Variants in NSFL1C observed in about 807,000 individuals in gnomAD.
NSFL1C encodes the protein NSFL1 cofactor p47.
Under a neutral mutation model 43.1 loss-of-function variants are expected in NSFL1C, and 14 were observed. That is an observed-to-expected ratio of 0.32 (90% CI 0.21 to 0.51). The LOEUF is 0.51. NSFL1C is among the 20% of genes least tolerant of loss of function. The pLI is 0.98. For synonymous variants in NSFL1C, 171 were observed against 183.5 expected, an observed-to-expected ratio of 0.93 and a Z score of 0.55; for missense variants, 406 against 472.5, an observed-to-expected ratio of 0.86 and a Z score of 1.30.
chr20:1,451,107 T>C (rs62186876), intron 7 of NSFL1C, among the ~76,000 whole-genome samples: 1 of 152,074 alleles, frequency 6.6e-6, no homozygotes, highest in East Asian at 1.9e-4. Flanking sequence ...AAAAAAAAAT[T>C]AGGTGCCCTA....
intron 7 of NSFL1C, among the ~76,000 whole-genome samples, chr20:1,448,410 T>G (rs1422861859): frequency 6.6e-6 from 1 of 152,178 alleles, no homozygotes; most frequent in East Asian, 1.9e-4. Flanking sequence ...GACGAGATAA[T>G]GTGCACGCAA....
At chr20:1,464,676 A>G (rs2090475295) in intron 1 of NSFL1C, among the ~76,000 whole-genome samples, 1 of 152,174 alleles carries the variant, frequency 6.6e-6, no homozygotes, top group Non-Finnish European at 1.5e-5. Context: ...CTTTATTCTC[A>G]TTTTATGAAG....
At position 1,443,014 on chromosome 20, in the gene NSFL1C, G is replaced by A. The variant is rs970211265; in HGVS notation, c.*735C>T. On this transcript the variant is annotated 3_prime_UTR_variant, in exon 9 of 9. Transcript: ENST00000216879. ...GACTTCTGCACGTGGAGTAAATCAAGCCATAATGGAGCCCCTGAGAATCCC... is the reference window on the plus strand; with the variant it reads ...GACTTCTGCACGTGGAGTAAATCAAACCATAATGGAGCCCCTGAGAATCCC... 2 of 152,210 alleles carry A rather than the reference G, an allele frequency of 1.3e-5. No homozygotes were observed. The highest frequency in any genetic ancestry group is 4.8e-5 in the African/African-American group (2 of 41,436). 9.4% of individuals were successfully genotyped at this position (152,210 alleles called of 1,614,324 possible).
chr20:1,459,087 T>A (rs1490381078), intron 2 of NSFL1C, among the ~76,000 whole-genome samples: 4 of 152,138 alleles, frequency 2.6e-5, no homozygotes, highest in Non-Finnish European at 5.9e-5. Flanking sequence ...TATCAAGATT[T>A]AAAAAAATTC....
At chr20:1,466,658 C>T in intron 1 of NSFL1C, 62 bp downstream of exon 1, 2 of 1,460,858 alleles carry the variant, frequency 1.4e-6, no homozygotes, top group Admixed American at 2.0e-5. Flanking sequence ...GGGCTTAAGG[C>T]ACCAGGCGCC....
At chr20:1,460,059 C>G (rs775742750) in intron 2 of NSFL1C, among the ~76,000 whole-genome samples, 1 of 152,210 alleles carries the variant, frequency 6.6e-6, no homozygotes, top group Non-Finnish European at 1.5e-5. Context: ...AGATTCCAAT[C>G]CCAATTCTGC....
chr20:1,455,248 T>C, intron 3 of NSFL1C, 116 bp from the exon 4 acceptor site: 1 of 1,211,762 alleles, frequency 8.3e-7, no homozygotes, highest in Non-Finnish European at 1.2e-6. Flanking sequence ...CTTTAAAGAA[T>C]TTACTGGCTA....
Position 1,443,771 on chromosome 20 carries a change from A to T in NSFL1C, c.1091T>A (p.Val364Asp). ...TLKEANLLNA[V>D]IVQRLT ...CGGTTATGTTAACCGCTGCACGATG[A>T]CAGCATTGAGCAGGTTGGCTTCCTT... Residue 364 changes from valine to aspartate, a missense_variant, in exon 9 of 9, where the codon GTC (valine) becomes GAC (aspartate). Val to Asp is a radical substitution (Grantham distance 152). Around this residue, in one of 3 missense-constraint regions of NSFL1C, gnomAD observed 196 missense variants for 228.0 expected, o/e 0.86. Coordinates refer to ENST00000216879, the MANE Select transcript of NSFL1C (RefSeq NM_016143.5). 1 of 1,614,166 alleles carries T rather than the reference A, an allele frequency of 6.2e-7. No homozygotes were observed. Among genetic ancestry groups the T allele is most frequent in the Non-Finnish European group, 8.5e-7 (1 of 1,180,026 alleles).
chr20:1,445,056 A>G (rs1454010405), intron 8 of NSFL1C, among the ~76,000 whole-genome samples: 2 of 152,238 alleles, frequency 1.3e-5, no homozygotes, highest in Admixed American at 6.5e-5. Context: ...GGCACCAAAT[A>G]TATTTACTGG....
intron 2 of NSFL1C, among the ~76,000 whole-genome samples, chr20:1,461,441 C>T (rs572515919): frequency 6.6e-6 from 1 of 152,068 alleles, no homozygotes; most frequent in Non-Finnish European, 1.5e-5. Context: ...AGCAAGAGAG[C>T]GGGCACACCT....
chr20:1,466,407 C>G (rs2090512213), intron 1 of NSFL1C, among the ~76,000 whole-genome samples: 2 of 152,362 alleles, frequency 1.3e-5, no homozygotes, highest in South Asian at 4.1e-4. Flanking sequence ...AGCAGATACT[C>G]GGCGCGGCAG....
At chr20:1,458,098 A>C (rs1270997054) in intron 3 of NSFL1C, 102 bp downstream of exon 3, 1 of 954,990 alleles carries the variant, frequency 1.0e-6, no homozygotes, top group Non-Finnish European at 1.7e-6. Flanking sequence ...AGTAATGGCT[A>C]ACAATAACCA....
At chr20:1,450,100 G>C (rs1449487702) in intron 7 of NSFL1C, among the ~76,000 whole-genome samples, 2 of 152,140 alleles carry the variant, frequency 1.3e-5, no homozygotes, top group Non-Finnish European at 2.9e-5. Flanking sequence ...TCATTCACTT[G>C]AAGTATTTTC....
chr20:1,455,219 C>T, intron 3 of NSFL1C, 87 bp from the exon 4 acceptor site: 1 of 1,409,178 alleles, frequency 7.1e-7, no homozygotes, highest in South Asian at 1.2e-5. Flanking sequence ...CACACTGAGG[C>T]AAAGGGTACA....
chr20:1,465,395 C>A (rs1433981265), intron 1 of NSFL1C, among the ~76,000 whole-genome samples: 1 of 152,220 alleles, frequency 6.6e-6, no homozygotes, highest in East Asian at 1.9e-4. Flanking sequence ...AGGCAAGTCA[C>A]ATGCATGATC....
intron 3 of NSFL1C, chr20:1,456,079 A>G (rs1174491637): frequency 3.3e-5 from 8 of 239,400 alleles, no homozygotes; most frequent in African/African-American, 1.3e-4. Flanking sequence ...CTTGTCCCCA[A>G]GCAAGAAAAA....
At chr20:1,447,256 C>T (rs1201691799) in intron 7 of NSFL1C, among the ~76,000 whole-genome samples, 4 of 152,096 alleles carry the variant, frequency 2.6e-5, no homozygotes, top group Non-Finnish European at 4.4e-5. Context: ...CTACGATAGG[C>T]CACAAGAGTT....
chr20:1,458,429 C>A (rs902093271), intron 2 of NSFL1C, among the ~76,000 whole-genome samples, 155 bp from the exon 3 acceptor site: 2 of 152,080 alleles, frequency 1.3e-5, no homozygotes, highest in African/African-American at 2.4e-5. Flanking sequence ...TAAGATTACA[C>A]ATAAAATAAT....
At chr20:1,450,580 CT>C (rs1054567919) in intron 7 of NSFL1C, among the ~76,000 whole-genome samples, 3 of 152,136 alleles carry the variant, frequency 2.0e-5, no homozygotes, top group African/African-American at 7.2e-5. Flanking sequence ...GAAACATTTC[CT>C]GTTAGTATTA....
Sources: gnomAD v4.1 joint callset for allele counts (sites outside exome capture counted in the v4.1 genomes callset) on GRCh38, gnomAD v4.1.1 for gene constraint, gnomAD v4.1.1 regional missense constraint, MANE v1.5 for transcripts, NCBI Gene and HGNC (gene_info 2026-07-23, HGNC 2026-07-21) for gene names.